STAP2: variants seen among roughly 807,000 people sequenced by gnomAD.
STAP2 encodes the protein signal-transducing adaptor protein 2.
A neutral mutation model predicts 52.7 loss-of-function variants in STAP2; 58 were observed. The ratio of observed to expected loss-of-function variants is 1.10; its 90% CI spans 0.89 to 1.37. The LOEUF is 1.37. Ranked by LOEUF, STAP2 falls within the 40% of genes most tolerant of loss-of-function variation. The pLI, the probability that STAP2 is intolerant of heterozygous loss-of-function variation, is 0.00. For synonymous variants in STAP2, 231 were observed against 210.5 expected (o/e 1.10, Z -0.84); for missense variants, 522 against 519.4 (o/e 1.00, Z -0.05).
At position 4,327,025 on chromosome 19, in the gene STAP2, G is replaced by A; in HGVS notation, c.764-18C>T. 6.3e-7 allele frequency: 1 copy of A among 1,578,280 alleles called. No homozygotes were observed. The highest frequency in any genetic ancestry group is 8.6e-7 in the Non-Finnish European group (1 of 1,160,812). On this transcript the variant is annotated intron_variant, in intron 8 of 12. Coordinates refer to ENST00000594605, the MANE Select transcript of STAP2 (RefSeq NM_001013841.2). The stretch of plus-strand genomic sequence containing the variant: ...CACGTAGCCTGGAACAGAGAGGGCG[G>A]CCTGGAGGAAGCGCGGCGGCCAGGG...
At chr19:4,338,569 CGAGTGGGGAGA>C in intron 1 of STAP2, 72 bp downstream of exon 1, 1 of 389,930 alleles carries the variant, frequency 2.6e-6, no homozygotes, top group Non-Finnish European at 4.8e-6. Context: ...CCCCCCTTGG[CGAGTGGGGAGA>C]CAGGGACTCA....
intron 4 of STAP2, among the ~76,000 whole-genome samples, chr19:4,331,760 G>T (rs898659632): frequency 6.7e-6 from 1 of 149,608 alleles, no homozygotes; most frequent in African/African-American, 2.5e-5. Context: ...GTGAAACCCC[G>T]TCTCTACTAA....
intron 11 of STAP2, 194 bp from the exon 12 acceptor site, chr19:4,324,723 T>C (rs1340851020): frequency 1.8e-6 from 1 of 553,748 alleles, no homozygotes; most frequent in African/African-American, 1.9e-5. Flanking sequence ...TCCCAGCTAC[T>C]TGGGAGGCTG....
At chr19:4,335,143 G>T (rs1340698896) in intron 1 of STAP2, among the ~76,000 whole-genome samples, 3 of 125,832 alleles carry the variant, frequency 2.4e-5, no homozygotes, top group Non-Finnish European at 3.3e-5. Context: ...ATCTATCAAT[G>T]CATCCCTCCA....
At chr19:4,336,442 C>T (rs933743614) in intron 1 of STAP2, among the ~76,000 whole-genome samples, 2 of 151,416 alleles carry the variant, frequency 1.3e-5, no homozygotes, top group South Asian at 2.1e-4. Flanking sequence ...CTCAGCCTCC[C>T]GAGTAGCTGG....
At chr19:4,333,198 A>T (rs941194214) in intron 3 of STAP2, among the ~76,000 whole-genome samples, 2 of 150,310 alleles carry the variant, frequency 1.3e-5, no homozygotes, top group African/African-American at 4.9e-5. Context: ...AAATAAAAAT[A>T]AAAAATAAAC....
chr19:4,325,584 T>C, intron 9 of STAP2, 39 bp from the exon 10 acceptor site: 5 of 1,534,308 alleles, frequency 3.3e-6, no homozygotes, highest in Non-Finnish European at 4.4e-6. Flanking sequence ...ACCCATGTCA[T>C]ACAGGGACAC....
chr19:4,330,072 A>T lies in STAP2; in HGVS notation c.355-11T>A. 6.2e-7 allele frequency: 1 copy of T among 1,610,810 alleles called. No individual in the cohort carries two copies. The highest frequency in any genetic ancestry group is 1.3e-5 in the African/African-American group (1 of 74,972). On this transcript the variant is annotated splice_polypyrimidine_tract_variant and intron_variant, in intron 4 of 12. Transcript: ENST00000594605. The stretch of plus-strand genomic sequence containing the variant: ...GGTCGGGACACGGAGCTGAGGGGCG[A>T]TCGAGGGACAGTGACTGCACCTGGC...
At chr19:4,332,443 C>T (rs2144789968) in intron 3 of STAP2, among the ~76,000 whole-genome samples, 1 of 151,916 alleles carries the variant, frequency 6.6e-6, no homozygotes. Flanking sequence ...TGGGCCCAAG[C>T]TATCCTTCTG....
In STAP2 at chr19:4,327,163, C is replaced by T. The variant is rs774185203; in HGVS notation, c.724G>A (p.Val242Met). 12 of 1,614,102 alleles carry T rather than the reference C, an allele frequency of 7.4e-6. No individual in the cohort carries two copies. The South Asian group carries it at 1.2e-4, about 16-fold the overall frequency. ...TAGTCCTCGTCTAACAGGAATGGCA[C>T]CAGCGCCTTTTTGGTATGCGACACG... ...YFVSHTKKAL[V>M]PFLLDEDYEK... is the part of the protein sequence containing the mutation. The change falls in exon 8 of 13, where the codon GTG becomes ATG. Residue 242 changes from valine (V) to methionine (M), a missense_variant. Transcript: ENST00000594605.
rs548102304 is a variant in STAP2 at position 4,325,038 on chromosome 19, C to G, written c.1072+178G>C. 7.5e-5 allele frequency: 44 copies of G among 590,450 alleles called. No homozygotes were observed. In the African/African-American group the frequency reaches 7.5e-4, roughly 10 times the overall value. The allele number at this position is 590,450 out of a possible 1,614,324, so 36.6% of individuals were successfully genotyped here. A position where few individuals can be genotyped will look rare whatever the true frequency, so the allele number is the denominator to read the frequency against. ...CCTGTAGTCCCAGCTACTGGAGAGGCTGAGGCAGGAGAATGGCGTGAACCC... is the reference window on the plus strand; with the variant it reads ...CCTGTAGTCCCAGCTACTGGAGAGGGTGAGGCAGGAGAATGGCGTGAACCC... On this transcript the variant is annotated intron_variant, in intron 11 of 12. Transcript: ENST00000594605.
chr19:4,332,371 CTT>C, intron 3 of STAP2, among the ~76,000 whole-genome samples: 1 of 144,010 alleles, frequency 6.9e-6, no homozygotes, highest in African/African-American at 2.5e-5. Flanking sequence ...CCTCGCCCAG[CTT>C]TTTTTTTTTT....
chr19:4,330,543 A>G (rs1048132079), intron 4 of STAP2, among the ~76,000 whole-genome samples: 1 of 149,190 alleles, frequency 6.7e-6, no homozygotes, highest in Admixed American at 6.7e-5. Flanking sequence ...ACCCCACCAA[A>G]AAAAAAAAAA....
At chr19:4,326,146 A>G (rs966743378) in intron 9 of STAP2, among the ~76,000 whole-genome samples, 1 of 152,204 alleles carries the variant, frequency 6.6e-6, no homozygotes, top group African/African-American at 2.4e-5. Context: ...GTGTATCTAC[A>G]CGTGTCCGAG....
chr19:4,328,823 C>T lies in STAP2; in HGVS notation c.456-14G>A, dbSNP rs765227429. The T allele has an allele frequency of 7.5e-6, 12 of 1,605,524 alleles. No homozygotes were observed. The highest frequency in any genetic ancestry group is 6.7e-5 in the African/African-American group (5 of 74,734). On this transcript the variant is annotated splice_polypyrimidine_tract_variant and intron_variant, in intron 5 of 12. Coordinates refer to ENST00000594605, the MANE Select transcript of STAP2 (RefSeq NM_001013841.2). ...TTCAGGAAGCACCTGTGGCGGGCCG[C>T]GTCACCCACTCGGGACCCCGGAGAC...
At chr19:4,334,599 C>T (rs955834573) in intron 1 of STAP2, among the ~76,000 whole-genome samples, 4 of 151,314 alleles carry the variant, frequency 2.6e-5, no homozygotes, top group Non-Finnish European at 4.4e-5. Flanking sequence ...TTCATCCATC[C>T]ACCTACCATT....
intron 5 of STAP2, among the ~76,000 whole-genome samples, chr19:4,329,193 T>G (rs372071946): frequency 0.072 from 10,974 of 151,724 alleles, 607 homozygotes; most frequent in African/African-American, 0.16. Context: ...TCAAACTCCC[T>G]ACCTCAGGTG....
intron 5 of STAP2, 21 bp downstream of exon 5, chr19:4,329,940 C>G: frequency 6.2e-7 from 1 of 1,603,634 alleles, no homozygotes; most frequent in Admixed American, 1.7e-5. Context: ...TGCAGCCCCT[C>G]GGGACAGGCG....
At chr19:4,333,290 T>A (rs1211226078) in intron 3 of STAP2, among the ~76,000 whole-genome samples, 3 of 151,698 alleles carry the variant, frequency 2.0e-5, no homozygotes, top group African/African-American at 7.3e-5. Flanking sequence ...AGGTGAGGAG[T>A]TCCAGGCCAG....
Sources: allele counts gnomAD v4.1 joint callset (sites outside exome capture counted in the v4.1 genomes callset), GRCh38; gene constraint gnomAD v4.1.1; transcripts MANE v1.5; gene names NCBI Gene and HGNC (gene_info 2026-07-23, HGNC 2026-07-21).